PPP2R5C: variants seen among roughly 807,000 people sequenced by gnomAD.
PPP2R5C encodes the protein protein phosphatase 2 regulatory subunit B'gamma.
Under a neutral mutation model 68.9 loss-of-function variants are expected in PPP2R5C, and 7 were observed. The ratio of observed to expected loss-of-function variants is 0.10; its 90% CI spans 0.06 to 0.19. The LOEUF (loss-of-function observed/expected upper bound fraction) is 0.19, where lower values mean the gene tolerates loss of function less well. Ranked by LOEUF, PPP2R5C falls within the 10% of genes least tolerant of loss-of-function variation. The pLI is 1.00. For synonymous variants in PPP2R5C, 210 were observed against 222.2 expected (o/e 0.95, Z 0.49); for missense variants, 348 against 641.3 (o/e 0.54, Z 4.94).
At chr14:101,870,114 TG>T (rs1320688403) in intron 2 of PPP2R5C, among the ~76,000 whole-genome samples, 1 of 148,622 alleles carries the variant, frequency 6.7e-6, no homozygotes, top group Non-Finnish European at 1.5e-5. Flanking sequence ...ACAGATTTTT[TG>T]CGAGATACAT....
intron 1 of PPP2R5C, among the ~76,000 whole-genome samples, chr14:101,841,517 G>A (rs866385215): frequency 4.6e-5 from 7 of 152,174 alleles, no homozygotes; most frequent in African/African-American, 1.2e-4. Flanking sequence ...GGGCCGGCTC[G>A]TTCCGTGTCC....
chr14:101,858,722 G>A (rs980517041), intron 2 of PPP2R5C, among the ~76,000 whole-genome samples: 20 of 151,882 alleles, frequency 1.3e-4, no homozygotes, highest in African/African-American at 2.4e-4. Flanking sequence ...AAGTTTACAC[G>A]TGTGGAAGAT....
chr14:101,793,203 T>C (rs1219017173), intron 3 of PPP2R5C, among the ~76,000 whole-genome samples: 1 of 152,174 alleles, frequency 6.6e-6, no homozygotes, highest in Non-Finnish European at 1.5e-5. Context: ...CAAAGAGCCC[T>C]GGTTCCTTTC....
intron 1 of PPP2R5C, among the ~76,000 whole-genome samples, chr14:101,834,777 C>G (rs2040975736): frequency 6.6e-6 from 1 of 151,968 alleles, no homozygotes; most frequent in Non-Finnish European, 1.5e-5. Flanking sequence ...GAAATCAACT[C>G]TAATTGACTA....
intron 10 of PPP2R5C, among the ~76,000 whole-genome samples, chr14:101,907,158 T>A (rs987107238): frequency 1.3e-5 from 2 of 152,202 alleles, no homozygotes; most frequent in African/African-American, 4.8e-5. Context: ...TATTTTTCTT[T>A]TTTAAAATTT....
chr14:101,893,052 T>C lies in PPP2R5C; in HGVS notation c.742T>C (p.Leu248=), dbSNP rs116177632. 289 of 1,612,524 alleles carry C rather than the reference T, an allele frequency of 1.8e-4. No homozygotes were observed. The African/African-American group carries it at 3.5e-3, about 20-fold the overall frequency. Residue 248 remains leucine, a synonymous_variant, in exon 7 of 14, where the codon TTG becomes CTG. Transcript: ENST00000334743. ...AAAAGAAGAGCACAAGATTTTCTTA[T>C]TGAAGGTGTTACTACCTTTGCACAA...
rs1372284502 is a variant in PPP2R5C, at chr14:101,825,962, C to T, written c.94+15926C>T. ...AATGAAGAGGGAACTGACCAAGGAT[C>T]GGTGAGAATAGGAGGTGGCCCAGAG... On this transcript the variant is annotated intron_variant, in intron 1 of 13. Transcript: ENST00000334743. This position sits in a 1 kb window ranked among gnomAD's most constrained non-coding sequence, Gnocchi z 4.0. Among the ~76,000 whole-genome samples the T allele has an allele frequency of 1.3e-5, 2 of 152,104 alleles. No individual in the cohort carries two copies. Among genetic ancestry groups the T allele is most frequent in the Non-Finnish European group, 2.9e-5 (2 of 68,014 alleles).
At chr14:101,845,326 G>A (rs914721260) in intron 1 of PPP2R5C, among the ~76,000 whole-genome samples, 14 of 152,198 alleles carry the variant, frequency 9.2e-5, no homozygotes, top group Admixed American at 7.2e-4. Context: ...AGTCTGAACC[G>A]GGAGTCAGTT....
At chr14:101,794,123 G>T (rs920002057) in intron 3 of PPP2R5C, among the ~76,000 whole-genome samples, 10 of 152,340 alleles carry the variant, frequency 6.6e-5, no homozygotes, top group African/African-American at 2.4e-4. Context: ...TTGGACCAAG[G>T]TTCCAGGCTT....
intron 2 of PPP2R5C, among the ~76,000 whole-genome samples, chr14:101,767,235 CT>C (rs2036904736): frequency 6.6e-6 from 1 of 152,186 alleles, no homozygotes; most frequent in South Asian, 2.1e-4. Flanking sequence ...CCCTGATGGT[CT>C]AGACCTAGGG....
intron 1 of PPP2R5C, among the ~76,000 whole-genome samples, chr14:101,810,531 A>T (rs941489414): frequency 1.3e-5 from 2 of 152,204 alleles, no homozygotes; most frequent in African/African-American, 4.8e-5. Flanking sequence ...ACTTCCTTTA[A>T]AAGGATTGTT....
chr14:101,845,909 A>G (rs2140462669), intron 1 of PPP2R5C, among the ~76,000 whole-genome samples: 1 of 152,352 alleles, frequency 6.6e-6, no homozygotes, highest in East Asian at 1.9e-4. Context: ...AACGAGTGTC[A>G]GTGTAGAAAC....
chr14:101,912,353 T>C (rs1294488538), intron 11 of PPP2R5C, 48 bp from the exon 14 acceptor site: 2 of 1,502,254 alleles, frequency 1.3e-6, no homozygotes, highest in Admixed American at 2.2e-5. Flanking sequence ...CAGTGTGTTC[T>C]TGTGTCTGAT....
At chr14:101,924,365 A>C (rs1595571075) in intron 13 of PPP2R5C, among the ~76,000 whole-genome samples, 2 of 151,392 alleles carry the variant, frequency 1.3e-5, no homozygotes, top group South Asian at 4.2e-4. Flanking sequence ...TATTTTTTTC[A>C]ATTTGATAGA....
In PPP2R5C at chr14:101,844,142, GT is replaced by G. The variant is rs75704094; in HGVS notation, c.95-12528del. 5.8e-3 allele frequency: 738 copies of G among 126,216 alleles called. 4 individuals carry two copies. Among genetic ancestry groups the G allele is most frequent in the Middle Eastern group, 0.016 (4 of 252 alleles). 7.8% of individuals were successfully genotyped at this position (126,216 alleles called of 1,614,324 possible). ...ATTATCTGTTTTTGGTGTTTTTTTT[GT>G]TTTTTTTTTTTTTTTGAGTTGATGG... On this transcript the variant is annotated intron_variant, in intron 1 of 13. Coordinates refer to ENST00000334743, the Ensembl canonical transcript of PPP2R5C.
chr14:101,890,333 G>T, intron 6 of PPP2R5C, 37 bp downstream of exon 8: 1 of 1,582,312 alleles, frequency 6.3e-7, no homozygotes, highest in Non-Finnish European at 8.7e-7. Flanking sequence ...GGCTGTAGAT[G>T]GAATTTATAC....
At chr14:101,925,433 T>A in exon 14 of PPP2R5C, 1 of 1,283,772 alleles carries the variant, frequency 7.8e-7, no homozygotes, top group Non-Finnish European at 1.0e-6. Context: ...GATTAGGAGT[T>A]CAAACAATGG....
chr14:101,863,872 T>G (rs1188786773), intron 2 of PPP2R5C, among the ~76,000 whole-genome samples: 1 of 152,128 alleles, frequency 6.6e-6, no homozygotes, highest in Non-Finnish European at 1.5e-5. Context: ...CACTCCAGCC[T>G]GCGCACCACA....
rs752791388 is a variant in PPP2R5C, at chr14:101,894,567, A to G, written c.852+7A>G. ...CAGCACCCTCACGGAACCAGTAAGTACTGATGCTAGCGCGTCTTGTAAGAT... is the reference window on the plus strand; with the variant it reads ...CAGCACCCTCACGGAACCAGTAAGTGCTGATGCTAGCGCGTCTTGTAAGAT... On this transcript the variant is annotated splice_region_variant and intron_variant, in intron 8 of 13. Coordinates refer to ENST00000334743, the Ensembl canonical transcript of PPP2R5C. 5 of 1,612,216 alleles carry G rather than the reference A, an allele frequency of 3.1e-6. No individual in the cohort carries two copies. In the African/African-American group the frequency reaches 4.0e-5, roughly 13 times the overall value.
Sources: allele counts gnomAD v4.1 joint callset (sites outside exome capture counted in the v4.1 genomes callset), GRCh38; gene constraint gnomAD v4.1.1; non-coding constraint Gnocchi (gnomAD v3.1); transcripts MANE v1.5; gene names NCBI Gene and HGNC (gene_info 2026-07-23, HGNC 2026-07-21).